Variants in PRKCA observed in about 807,000 individuals in gnomAD.
The protein encoded by PRKCA is protein kinase C alpha, also known as protein kinase C alpha type.
A neutral mutation model predicts 87.0 loss-of-function variants in PRKCA; 27 were observed. The observed-to-expected ratio is 0.31, with a 90% CI of 0.23 to 0.43. The LOEUF (loss-of-function observed/expected upper bound fraction) is 0.43, where lower values mean the gene tolerates loss of function less well. Among genes scored for constraint, PRKCA ranks in the 20% least tolerant of loss-of-function variants. PRKCA has a pLI of 1.00. For synonymous variants in PRKCA, 329 were observed against 311.1 expected, an observed-to-expected ratio of 1.06 and a Z score of -0.61; for missense variants, 518 against 852.3, an observed-to-expected ratio of 0.61 and a Z score of 4.88.
intron 2 of PRKCA, among the ~76,000 whole-genome samples, chr17:66,427,830 G>T (rs2143819568): frequency 6.6e-6 from 1 of 152,290 alleles, no homozygotes; most frequent in Non-Finnish European, 1.5e-5. Flanking sequence ...TAAATTAAAA[G>T]AAATGTTTCA....
At chr17:66,787,095 C>A in intron 15 of PRKCA, 121 bp downstream of exon 15, 2 of 867,232 alleles carry the variant, frequency 2.3e-6, no homozygotes, top group Non-Finnish European at 2.0e-6. Flanking sequence ...TGCATTTTGG[C>A]CATCGAGGGT....
chr17:66,356,296 CT>C (rs1908045054), intron 2 of PRKCA, among the ~76,000 whole-genome samples: 1 of 151,580 alleles, frequency 6.6e-6, no homozygotes, highest in Non-Finnish European at 1.5e-5. Context: ...TCTTGATTTT[CT>C]TTATCATCCA....
chr17:66,730,563 T>C (rs1232126017), intron 8 of PRKCA, among the ~76,000 whole-genome samples: 1 of 152,222 alleles, frequency 6.6e-6, no homozygotes, highest in Non-Finnish European at 1.5e-5. Context: ...CTTCCACATA[T>C]TGCCATGACA....
At chr17:66,733,426 A>C (rs1450308972) in intron 9 of PRKCA, among the ~76,000 whole-genome samples, 1 of 152,194 alleles carries the variant, frequency 6.6e-6, no homozygotes, top group Non-Finnish European at 1.5e-5. Flanking sequence ...AGCCTAGCAC[A>C]GGCACAATGG....
intron 5 of PRKCA, among the ~76,000 whole-genome samples, chr17:66,685,313 A>G (rs1972597617): frequency 6.6e-6 from 1 of 152,212 alleles, no homozygotes; most frequent in East Asian, 1.9e-4. Flanking sequence ...TAAGCTTCCC[A>G]GTGCTCAGGG....
intron 5 of PRKCA, chr17:66,677,351 A>G (rs940872490): frequency 3.0e-4 from 46 of 152,458 alleles, no homozygotes; most frequent in African/African-American, 1.1e-3. Flanking sequence ...AAGTGCTAAG[A>G]TTACAGGCGT....
chr17:66,413,205 G>T (rs1911921138), intron 2 of PRKCA, among the ~76,000 whole-genome samples: 1 of 152,100 alleles, frequency 6.6e-6, no homozygotes, highest in Admixed American at 6.5e-5. Context: ...CCCTTCTCAG[G>T]CTCAGTTCAT....
At chr17:66,721,270 A>G (rs1284827446) in intron 8 of PRKCA, among the ~76,000 whole-genome samples, 2 of 151,758 alleles carry the variant, frequency 1.3e-5, no homozygotes, top group African/African-American at 4.8e-5. Flanking sequence ...GGTGGTGGGC[A>G]CCTGTAGTCC....
chr17:66,422,785 A>G (rs893038754), intron 2 of PRKCA, among the ~76,000 whole-genome samples: 1 of 152,192 alleles, frequency 6.6e-6, no homozygotes, highest in African/African-American at 2.4e-5. Flanking sequence ...TCATTCAATA[A>G]CCACAGGTAG....
chr17:66,613,509 G>T (rs982248519), intron 3 of PRKCA, among the ~76,000 whole-genome samples: 2 of 152,054 alleles, frequency 1.3e-5, no homozygotes, highest in African/African-American at 4.8e-5. Flanking sequence ...CAATTCTGAG[G>T]CTAGAAGTCC....
chr17:66,630,532 C>T (rs903311352), intron 3 of PRKCA, among the ~76,000 whole-genome samples: 3 of 152,216 alleles, frequency 2.0e-5, no homozygotes, highest in African/African-American at 7.2e-5. Context: ...TCAGTTTCAC[C>T]TCTTGCTTTT....
chr17:66,475,354 GTGTT>G (rs2144030310), intron 2 of PRKCA, among the ~76,000 whole-genome samples: 1 of 152,170 alleles, frequency 6.6e-6, no homozygotes, highest in South Asian at 2.1e-4. Context: ...CCTCATTAAT[GTGTT>G]TGTTAAAATG....
intron 2 of PRKCA, among the ~76,000 whole-genome samples, chr17:66,390,318 A>C (rs1389465427): frequency 6.6e-6 from 1 of 152,236 alleles, no homozygotes; most frequent in African/African-American, 2.4e-5. Flanking sequence ...GATGTAAACT[A>C]ATCCTTCTTT....
chr17:66,770,103 C>G (rs1339128510), intron 13 of PRKCA, among the ~76,000 whole-genome samples: 2 of 152,234 alleles, frequency 1.3e-5, no homozygotes, highest in African/African-American at 4.8e-5. Context: ...GGCACAGCTT[C>G]TGCCGTTCAG....
intron 3 of PRKCA, among the ~76,000 whole-genome samples, chr17:66,588,860 C>T (rs1969706495): frequency 6.6e-6 from 1 of 151,806 alleles, no homozygotes; most frequent in Admixed American, 6.6e-5. Context: ...AGGCTGATCT[C>T]GAACTACTGA....
chr17:66,311,600 G>C (rs1699104704), intron 2 of PRKCA, among the ~76,000 whole-genome samples: 1 of 152,168 alleles, frequency 6.6e-6, no homozygotes, highest in Non-Finnish European at 1.5e-5. Flanking sequence ...CTGGGCGACA[G>C]AGTGAGAGCC....
intron 5 of PRKCA, among the ~76,000 whole-genome samples, chr17:66,656,269 G>T (rs755693833): frequency 2.0e-4 from 30 of 152,156 alleles, no homozygotes; most frequent in Non-Finnish European, 4.0e-4. Context: ...TCTTTATAGG[G>T]TCATCAGTCA....
chr17:66,558,973 A>G (rs1223288638), intron 3 of PRKCA, among the ~76,000 whole-genome samples: 1 of 152,186 alleles, frequency 6.6e-6, no homozygotes, highest in South Asian at 2.1e-4. Context: ...CAAACTGGAA[A>G]TAGTGCTGGT....
chr17:66,561,980 T>C (rs7218402), intron 3 of PRKCA, among the ~76,000 whole-genome samples: 89,323 of 148,884 alleles, frequency 0.6, 28,161 homozygotes, highest in African/African-American at 0.8. Flanking sequence ...GGTTGCAGAA[T>C]AGTGTGAATG....
Sources: allele counts gnomAD v4.1 joint callset (sites outside exome capture counted in the v4.1 genomes callset), GRCh38; gene constraint gnomAD v4.1.1; transcripts MANE v1.5; gene names NCBI Gene and HGNC (gene_info 2026-07-23, HGNC 2026-07-21).